Variants in CRACD observed in about 807,000 individuals in gnomAD.
CRACD encodes the protein capping protein-inhibiting regulator of actin dynamics.
A neutral mutation model predicts 106.8 loss-of-function variants in CRACD; 56 were observed. The ratio of observed to expected loss-of-function variants is 0.52; its 90% CI spans 0.42 to 0.66. The LOEUF is 0.66. Ranked by LOEUF, CRACD falls within the 30% of genes least tolerant of loss-of-function variation. The pLI, the probability that CRACD is intolerant of heterozygous loss-of-function variation, is 0.00. For synonymous variants in CRACD, 754 were observed against 670.8 expected (o/e 1.12, Z -1.92); for missense variants, 1,730 against 1,623.2 (o/e 1.07, Z -1.13).
chr4:56,320,139 C>T (rs1745977031), intron 8 of CRACD, among the ~76,000 whole-genome samples: 1 of 122,838 alleles, frequency 8.1e-6, no homozygotes, highest in Non-Finnish European at 1.8e-5. Context: ...GCACTGACTC[C>T]AGCCTCAAAA....
intron 3 of CRACD, among the ~76,000 whole-genome samples, chr4:56,273,099 G>C (rs558086287): frequency 2.0e-5 from 3 of 152,076 alleles, no homozygotes; most frequent in South Asian, 2.1e-4. Context: ...GGCTCACCAG[G>C]GTTCCTCAGA....
At chr4:56,152,073 G>A (rs1293275612) in intron 1 of CRACD, among the ~76,000 whole-genome samples, 1 of 150,238 alleles carries the variant, frequency 6.7e-6, no homozygotes, top group Non-Finnish European at 1.5e-5. Flanking sequence ...GCGGTGGTGC[G>A]GTCTCGGCTC....
chr4:56,271,030 G>A (rs1307472670), intron 2 of CRACD, among the ~76,000 whole-genome samples: 1 of 151,694 alleles, frequency 6.6e-6, no homozygotes, highest in East Asian at 1.9e-4. Context: ...ACTTGAACCC[G>A]GGAGGCAGAG....
At chr4:56,302,544 G>A (rs991643038) in intron 4 of CRACD, among the ~76,000 whole-genome samples, 2 of 152,076 alleles carry the variant, frequency 1.3e-5, no homozygotes, top group Admixed American at 6.5e-5. Flanking sequence ...TCATACATTC[G>A]GGGATTTTGA....
chr4:56,276,195 C>A (rs563158600), intron 3 of CRACD, among the ~76,000 whole-genome samples: 10 of 152,202 alleles, frequency 6.6e-5, no homozygotes, highest in African/African-American at 2.4e-4. Flanking sequence ...AATGTGATTT[C>A]TTTTCTTAAT....
Position 56,249,426 on chromosome 4 carries a change from G to GT in CRACD, c.-188-22888dup, listed in dbSNP as rs1206048650. Among the ~76,000 whole-genome samples, 6 of 148,854 alleles carry GT rather than the reference G, an allele frequency of 4.0e-5. No individual in the cohort carries two copies. The East Asian group carries it at 7.9e-4, about 20-fold the overall frequency. On this transcript the variant is annotated intron_variant, in intron 2 of 10. Transcript: ENST00000682029. Reference sequence around the variant, plus strand: ...CGCCCACTTTTTGATGGGGTTGTTTGTTTTTTTCTTGTAAATTTGTTTGAG... The same window carrying GT: ...CGCCCACTTTTTGATGGGGTTGTTTGTTTTTTTTCTTGTAAATTTGTTTGAG...
At chr4:56,067,202 A>G (rs1466194753) in intron 1 of CRACD, among the ~76,000 whole-genome samples, 2 of 152,112 alleles carry the variant, frequency 1.3e-5, no homozygotes, top group Non-Finnish European at 2.9e-5. Flanking sequence ...GAAAAAAAAA[A>G]TAAGACAAAA....
rs182241732 is a variant in CRACD, at chr4:56,213,823, T to C, written c.-189+34393T>C. Among the ~76,000 whole-genome samples, 39 of 152,372 alleles carry C rather than the reference T, an allele frequency of 2.6e-4. No individual in the cohort carries two copies. In the East Asian group the frequency reaches 7.1e-3, roughly 28 times the overall value. On this transcript the variant is annotated intron_variant, in intron 2 of 10. Coordinates refer to ENST00000682029, the MANE Select transcript of CRACD (RefSeq NM_001393381.1). ...TTACACATATAGTTAGGTTACAGTT[T>C]ACTATGGAGAAACCTTTTGGCTGAA...
intron 1 of CRACD, among the ~76,000 whole-genome samples, chr4:56,140,922 C>A (rs938506463): frequency 1.3e-5 from 2 of 152,170 alleles, no homozygotes; most frequent in African/African-American, 4.8e-5. Context: ...CTGCTGGGTT[C>A]ATTTAGAAAG....
At chr4:56,100,636 A>G (rs777453792) in intron 1 of CRACD, among the ~76,000 whole-genome samples, 4 of 152,220 alleles carry the variant, frequency 2.6e-5, no homozygotes, top group Non-Finnish European at 5.9e-5. Flanking sequence ...AAGTGGGATT[A>G]TAAGAGTAGG....
At chr4:56,050,759 G>GA (rs34255159) in intron 1 of CRACD, among the ~76,000 whole-genome samples, 10 of 151,978 alleles carry the variant, frequency 6.6e-5, no homozygotes, top group African/African-American at 2.4e-4. Context: ...AGTGGGCAGG[G>GA]AAAAAATCAT....
intron 2 of CRACD, among the ~76,000 whole-genome samples, chr4:56,261,744 A>G (rs1457736849): frequency 6.6e-6 from 1 of 152,184 alleles, no homozygotes; most frequent in African/African-American, 2.4e-5. Flanking sequence ...AAAAAACTAG[A>G]AAAACTAAAA....
intron 10 of CRACD, 129 bp downstream of exon 10, chr4:56,324,395 C>G (rs146747279): frequency 1.2e-6 from 1 of 828,274 alleles, no homozygotes; most frequent in Non-Finnish European, 1.8e-6. Flanking sequence ...ATCTGATAAC[C>G]TCATTCATAA....
chr4:56,320,198 A>G lies in CRACD; in HGVS notation c.3188-3179A>G, dbSNP rs536578234. ...ACCTAGCATCTCATTCTGAAATTCT[A>G]ACGTACTTAGGGTGGATAAAACAGA... On this transcript the variant is annotated intron_variant, in intron 8 of 10. Transcript: ENST00000682029. 3.3e-5 allele frequency among the ~76,000 whole-genome samples: 5 copies of G among 151,972 alleles called. No homozygotes were observed. In the South Asian group the frequency reaches 8.3e-4, roughly 25 times the overall value.
intron 3 of CRACD, among the ~76,000 whole-genome samples, chr4:56,277,458 A>T (rs992959952): frequency 4.6e-5 from 7 of 151,918 alleles, no homozygotes; most frequent in African/African-American, 1.7e-4. Flanking sequence ...GATTTATAAA[A>T]AAAAAAAAAT....
chr4:56,138,805 C>T (rs1317407461), intron 1 of CRACD, among the ~76,000 whole-genome samples: 2 of 152,210 alleles, frequency 1.3e-5, no homozygotes, highest in East Asian at 3.9e-4. Flanking sequence ...AACCTTTTGA[C>T]CTAGAAAACT....
chr4:56,313,856 A>G (rs962745058), intron 7 of CRACD, among the ~76,000 whole-genome samples, 184 bp from the exon 8 acceptor site: 9 of 152,234 alleles, frequency 5.9e-5, no homozygotes, highest in African/African-American at 2.2e-4. Flanking sequence ...CCTTTTCTCC[A>G]TTCGCACGAC....
chr4:56,155,879 G>A (rs1735748078), intron 1 of CRACD, among the ~76,000 whole-genome samples: 1 of 152,202 alleles, frequency 6.6e-6, no homozygotes, highest in Non-Finnish European at 1.5e-5. Flanking sequence ...CTAAGGACCT[G>A]AGAATGTCTT....
intron 3 of CRACD, among the ~76,000 whole-genome samples, chr4:56,296,397 A>G (rs74976955): frequency 0.086 from 13,019 of 152,154 alleles, 592 homozygotes; most frequent in Middle Eastern, 0.14. Flanking sequence ...AAGATCACAT[A>G]GCCAGGAGGC....
Sources: gnomAD v4.1 joint callset for allele counts (sites outside exome capture counted in the v4.1 genomes callset) on GRCh38, gnomAD v4.1.1 for gene constraint, MANE v1.5 for transcripts, NCBI Gene and HGNC (gene_info 2026-07-23, HGNC 2026-07-21) for gene names.